JMJD1C: variants seen among roughly 807,000 people sequenced by gnomAD.
The protein encoded by JMJD1C is jumonji domain-containing protein 1C.
Under a neutral mutation model 245.3 loss-of-function variants are expected in JMJD1C, and 31 were observed. The observed-to-expected ratio is 0.13, with a 90% CI of 0.09 to 0.17. JMJD1C has a LOEUF of 0.17. Ranked by LOEUF, JMJD1C falls within the 10% of genes least tolerant of loss-of-function variation. The pLI is 1.00. For synonymous variants in JMJD1C, 1,057 were observed against 1,017.4 expected (o/e 1.04, Z -0.74); for missense variants, 2,691 against 3,000.2 (o/e 0.90, Z 2.41).
intron 3 of JMJD1C, among the ~76,000 whole-genome samples, chr10:63,226,701 C>T (rs1849318417): frequency 8.7e-6 from 1 of 115,358 alleles, no homozygotes; most frequent in Non-Finnish European, 1.7e-5. Flanking sequence ...GGCGACAAAG[C>T]ACAACCCTGT....
In JMJD1C at chr10:63,324,201, G is replaced by C. The variant is rs1209343389; in HGVS notation, c.333+56117C>G. Among the ~76,000 whole-genome samples, 11 of 151,562 alleles carry C rather than the reference G, an allele frequency of 7.3e-5. No individual in the cohort carries two copies. In the East Asian group the frequency reaches 1.9e-3, roughly 27 times the overall value. ...GAAATAATATCTTACCAGGATCTGG[G>C]TATCCTGTGGCCCAGTCATGCTTAC... On this transcript the variant is annotated intron_variant, in intron 2 of 25. Transcript: ENST00000399262.
intron 2 of JMJD1C, among the ~76,000 whole-genome samples, chr10:63,353,969 T>C (rs558855099): frequency 6.6e-6 from 1 of 152,116 alleles, no homozygotes; most frequent in Non-Finnish European, 1.5e-5. Context: ...GCCTCCTGGG[T>C]AGCTGGAACT....
chr10:63,338,670 TAG>T (rs1943084609), intron 2 of JMJD1C, among the ~76,000 whole-genome samples: 1 of 130,016 alleles, frequency 7.7e-6, no homozygotes, highest in Non-Finnish European at 1.6e-5. Context: ...TTTTTTGAGA[TAG>T]AGTTTCGCTC....
intron 13 of JMJD1C, among the ~76,000 whole-genome samples, chr10:63,195,731 G>A (rs1242254866): frequency 4.0e-5 from 6 of 150,486 alleles, no homozygotes; most frequent in Admixed American, 2.0e-4. Flanking sequence ...ACGAGGTCAG[G>A]AGATCGAGAC....
chr10:63,318,828 C>T (rs1348257517), intron 2 of JMJD1C, among the ~76,000 whole-genome samples: 1 of 152,046 alleles, frequency 6.6e-6, no homozygotes, highest in South Asian at 2.1e-4. Context: ...TCTCTTTCAA[C>T]GTTTCCTTAA....
At chr10:63,341,775 G>C (rs986096475) in intron 2 of JMJD1C, among the ~76,000 whole-genome samples, 1 of 152,158 alleles carries the variant, frequency 6.6e-6, no homozygotes, top group East Asian at 1.9e-4. Flanking sequence ...CATGCGACCA[G>C]GGTATCTTTA....
At chr10:63,224,508 C>T (rs1160814920) in intron 3 of JMJD1C, among the ~76,000 whole-genome samples, 1 of 152,160 alleles carries the variant, frequency 6.6e-6, no homozygotes. Context: ...ATTTCTGTTA[C>T]ATCATCATTC....
chr10:63,512,289 CTT>C (rs34129211), intron 1 of JMJD1C, among the ~76,000 whole-genome samples: 1 of 148,476 alleles, frequency 6.7e-6, no homozygotes, highest in African/African-American at 2.5e-5. Context: ...TCTCTCTGAA[CTT>C]TTTTTTTTTA....
At position 63,459,987 on chromosome 10, in the gene JMJD1C, G is replaced by GA. The variant is rs1952673045; in HGVS notation, c.168+5507dup. On this transcript the variant is annotated intron_variant, in intron 1 of 25. Transcript: ENST00000399262. ...CTTCAAATTGGTTTACCTTAAAGTA[G>GA]AAAAATGGCTGCAGCAGTTCCAGAC... 2.6e-5 allele frequency among the ~76,000 whole-genome samples: 4 copies of GA among 152,224 alleles called. No homozygotes were observed. The South Asian group carries it at 8.3e-4, about 32-fold the overall frequency.
intron 2 of JMJD1C, among the ~76,000 whole-genome samples, chr10:63,359,753 T>C (rs904769122): frequency 6.6e-6 from 1 of 152,212 alleles, no homozygotes; most frequent in African/African-American, 2.4e-5. Context: ...AATCAAAATA[T>C]AGTTATTGAA....
At chr10:63,498,356 A>G (rs1183149732) in intron 1 of JMJD1C, among the ~76,000 whole-genome samples, 3 of 152,166 alleles carry the variant, frequency 2.0e-5, no homozygotes, top group African/African-American at 7.2e-5. Flanking sequence ...AGCTTTACAT[A>G]TTTGAAAACA....
At chr10:63,419,076 CAAAA>C (rs34710445) in intron 1 of JMJD1C, among the ~76,000 whole-genome samples, 1 of 103,396 alleles carries the variant, frequency 9.7e-6, no homozygotes, top group Non-Finnish European at 2.0e-5. Context: ...GACTCCATCT[CAAAA>C]AAAAAAAAAA....
At chr10:63,260,983 G>T (rs774769024) in intron 3 of JMJD1C, among the ~76,000 whole-genome samples, 27 of 152,102 alleles carry the variant, frequency 1.8e-4, no homozygotes, top group Non-Finnish European at 3.7e-4. Flanking sequence ...AGAATCTGCA[G>T]ATTTCCCCAC....
intron 3 of JMJD1C, among the ~76,000 whole-genome samples, chr10:63,233,757 GCACACACA>G (rs10565803): frequency 0.019 from 2,758 of 148,140 alleles, 70 homozygotes; most frequent in African/African-American, 0.058. Context: ...ACACGCGCGT[GCACACACA>G]CACACACACA....
chr10:63,198,017 A>AG (rs1845637854), intron 12 of JMJD1C, among the ~76,000 whole-genome samples: 1 of 152,260 alleles, frequency 6.6e-6, no homozygotes. Flanking sequence ...AGAAGCTAAT[A>AG]TTTAGAGCAT....
chr10:63,239,243 G>C (rs1851176014), intron 3 of JMJD1C, among the ~76,000 whole-genome samples: 1 of 152,136 alleles, frequency 6.6e-6, no homozygotes, highest in South Asian at 2.1e-4. Flanking sequence ...CACTGGTATG[G>C]ATTGAATTAA....
chr10:63,390,948 G>A (rs570641011), intron 1 of JMJD1C, among the ~76,000 whole-genome samples: 5 of 152,150 alleles, frequency 3.3e-5, no homozygotes, highest in East Asian at 1.9e-4. Flanking sequence ...CAAAAAAGCC[G>A]CCACTCTCTT....
chr10:63,366,095 G>T (rs1342410658), intron 2 of JMJD1C, among the ~76,000 whole-genome samples: 1 of 152,186 alleles, frequency 6.6e-6, no homozygotes, highest in Non-Finnish European at 1.5e-5. Flanking sequence ...ACACAGTATG[G>T]CTTTGGGCCA....
intron 2 of JMJD1C, among the ~76,000 whole-genome samples, chr10:63,331,568 G>A (rs898148192): frequency 6.6e-6 from 1 of 152,076 alleles, no homozygotes; most frequent in African/African-American, 2.4e-5. Flanking sequence ...TGTTTCTAGG[G>A]TGATCCAGAC....
Sources: gnomAD v4.1 joint callset for allele counts (sites outside exome capture counted in the v4.1 genomes callset) on GRCh38, gnomAD v4.1.1 for gene constraint, MANE v1.5 for transcripts, NCBI Gene and HGNC (gene_info 2026-07-23, HGNC 2026-07-21) for gene names.